Variants in CSMD1 observed in about 807,000 individuals in gnomAD.
The protein encoded by CSMD1 is CUB and Sushi multiple domains 1, also known as CUB and sushi domain-containing protein 1.
Under a neutral mutation model 417.5 loss-of-function variants are expected in CSMD1, and 213 were observed. The ratio of observed to expected loss-of-function variants is 0.51; its 90% CI spans 0.46 to 0.57. CSMD1 has a LOEUF of 0.57. CSMD1 is among the 20% of genes least tolerant of loss of function. The pLI is 0.00. For missense variants in CSMD1, 6,923 were observed against 4,529.7 expected, an observed-to-expected ratio of 1.53 and a Z score of -15.17; for synonymous variants, 2,862 against 1,736.8, an observed-to-expected ratio of 1.65 and a Z score of -16.11.
intron 2 of CSMD1, among the ~76,000 whole-genome samples, chr8:4,472,122 C>G (rs1302041472): frequency 2.0e-5 from 3 of 152,144 alleles, no homozygotes; most frequent in Admixed American, 6.5e-5. Flanking sequence ...TTAATTCTTT[C>G]TTCAATATCG....
rs539207495 is a variant in CSMD1, at chr8:3,460,210, C to T, written c.1561+8502G>A. Among the ~76,000 whole-genome samples, 22 of 152,014 alleles carry T rather than the reference C, an allele frequency of 1.4e-4. 1 individual carries two copies. The highest frequency in any genetic ancestry group is 1.3e-3 in the South Asian group (6 of 4,798). ...GGGGAAAGTAAACTCTGAGATGAGACGGGAAGATCAGCAAATGATCTACAT... is the reference window on the plus strand; with the variant it reads ...GGGGAAAGTAAACTCTGAGATGAGATGGGAAGATCAGCAAATGATCTACAT... On this transcript the variant is annotated intron_variant, in intron 12 of 69. Transcript: ENST00000635120.
chr8:3,511,167 G>A (rs1322654594), intron 10 of CSMD1, among the ~76,000 whole-genome samples: 5 of 151,718 alleles, frequency 3.3e-5, no homozygotes, highest in Non-Finnish European at 5.9e-5. Flanking sequence ...AGTAATAAGT[G>A]GGAGTTGAAC....
intron 5 of CSMD1, among the ~76,000 whole-genome samples, 153 bp downstream of exon 5, chr8:3,997,750 G>T (rs142096064): frequency 6.6e-6 from 1 of 152,132 alleles, no homozygotes; most frequent in Admixed American, 6.5e-5. Context: ...CACAGTAAAG[G>T]TAACTTTTCC....
At position 4,786,992 on chromosome 8, in the gene CSMD1, G is replaced by C. The variant is rs568407662; in HGVS notation, c.86-149434C>G. 1.2e-4 allele frequency among the ~76,000 whole-genome samples: 18 copies of C among 152,286 alleles called. No homozygotes were observed. The South Asian group carries it at 3.7e-3, about 32-fold the overall frequency. On this transcript the variant is annotated intron_variant, in intron 1 of 69. Coordinates refer to ENST00000635120, the MANE Select transcript of CSMD1 (RefSeq NM_033225.6). ...GTTGGTATACTAACTGAAGACTGGA[G>C]AGACCCCGTGTGTGTGGCAATGTGG...
At chr8:4,501,805 C>T (rs370692580) in intron 2 of CSMD1, among the ~76,000 whole-genome samples, 1 of 151,998 alleles carries the variant, frequency 6.6e-6, no homozygotes, top group Non-Finnish European at 1.5e-5. Flanking sequence ...AACATGCAAG[C>T]GTAGTGGGCC....
At chr8:4,290,474 G>C (rs1797300173) in intron 3 of CSMD1, among the ~76,000 whole-genome samples, 1 of 152,132 alleles carries the variant, frequency 6.6e-6, no homozygotes, top group Non-Finnish European at 1.5e-5. Context: ...AAGGGTCAGG[G>C]ACACTGCATC....
intron 1 of CSMD1, among the ~76,000 whole-genome samples, chr8:4,872,612 G>A (rs569664917): frequency 7.2e-5 from 11 of 152,140 alleles, no homozygotes; most frequent in Admixed American, 6.5e-4. Context: ...CCAGTCTCAG[G>A]CAGTTCTTTA....
intron 1 of CSMD1, among the ~76,000 whole-genome samples, chr8:4,678,950 C>T (rs984793210): frequency 6.6e-6 from 1 of 152,138 alleles, no homozygotes; most frequent in East Asian, 1.9e-4. Flanking sequence ...AACCAGCCAA[C>T]CTTACCAGCT....
intron 3 of CSMD1, among the ~76,000 whole-genome samples, chr8:4,176,812 A>G (rs1164432280): frequency 6.7e-6 from 1 of 148,308 alleles, no homozygotes; most frequent in Admixed American, 6.8e-5. Flanking sequence ...TTAAACCAAC[A>G]ACGATCAAAA....
chr8:4,597,874 C>G (rs557715704), intron 2 of CSMD1, among the ~76,000 whole-genome samples: 5 of 152,088 alleles, frequency 3.3e-5, no homozygotes, highest in Non-Finnish European at 7.4e-5. Flanking sequence ...GAGAGAGACA[C>G]AGATTAATTA....
At chr8:2,986,225 T>C (rs1050438353) in intron 54 of CSMD1, among the ~76,000 whole-genome samples, 2 of 152,234 alleles carry the variant, frequency 1.3e-5, no homozygotes, top group Non-Finnish European at 2.9e-5. Context: ...TCAGATTCCC[T>C]GAGGACTCAC....
chr8:4,435,217 T>A (rs1380357581), intron 2 of CSMD1, among the ~76,000 whole-genome samples: 1 of 152,168 alleles, frequency 6.6e-6, no homozygotes, highest in Non-Finnish European at 1.5e-5. Flanking sequence ...GCCAATCTGA[T>A]CTTTGGAAAA....
At chr8:3,880,669 G>A (rs1264070553) in intron 5 of CSMD1, among the ~76,000 whole-genome samples, 1 of 152,072 alleles carries the variant, frequency 6.6e-6, no homozygotes, top group Non-Finnish European at 1.5e-5. Context: ...GTCTAAAAAG[G>A]AAGAAAGCTT....
chr8:4,167,934 C>T (rs558739286), intron 3 of CSMD1, among the ~76,000 whole-genome samples: 1 of 152,038 alleles, frequency 6.6e-6, no homozygotes, highest in South Asian at 2.1e-4. Flanking sequence ...TCAAGACCAG[C>T]CTGGCCAGCA....
chr8:4,544,228 G>C (rs967186559), intron 2 of CSMD1, among the ~76,000 whole-genome samples: 13 of 152,014 alleles, frequency 8.6e-5, no homozygotes, highest in Non-Finnish European at 1.6e-4. Flanking sequence ...TGTCATCCTT[G>C]TGTGGTTATA....
At chr8:4,027,214 A>G (rs1797108546) in intron 4 of CSMD1, among the ~76,000 whole-genome samples, 1 of 152,200 alleles carries the variant, frequency 6.6e-6, no homozygotes, top group African/African-American at 2.4e-5. Context: ...GAAGGTTTGT[A>G]CTTTATTCTC....
chr8:4,498,754 C>A (rs763281754), intron 2 of CSMD1, among the ~76,000 whole-genome samples: 9 of 152,258 alleles, frequency 5.9e-5, no homozygotes, highest in African/African-American at 2.2e-4. Context: ...AAGTAGTCAA[C>A]CTTCATTTTA....
intron 3 of CSMD1, among the ~76,000 whole-genome samples, chr8:4,414,842 A>G (rs1343124259): frequency 6.6e-6 from 1 of 152,148 alleles, no homozygotes; most frequent in East Asian, 1.9e-4. Flanking sequence ...CAAGGGTACA[A>G]AGAGTAATGG....
intron 1 of CSMD1, among the ~76,000 whole-genome samples, chr8:4,832,023 C>G (rs1034350739): frequency 6.6e-6 from 1 of 152,230 alleles, no homozygotes; most frequent in Non-Finnish European, 1.5e-5. Flanking sequence ...GGAGCTTCCT[C>G]CAAGCAATGC....
Sources: allele counts gnomAD v4.1 joint callset (sites outside exome capture counted in the v4.1 genomes callset), GRCh38; gene constraint gnomAD v4.1.1; transcripts MANE v1.5; gene names NCBI Gene and HGNC (gene_info 2026-07-23, HGNC 2026-07-21).